The following ERP27 variants were observed in gnomAD, a reference collection of about 807,000 sequenced individuals.
ERP27 encodes the protein endoplasmic reticulum protein 27, also known as endoplasmic reticulum resident protein 27.
ERP27 carries 23 observed loss-of-function variants against 27.7 expected under a neutral mutation model. The ratio of observed to expected loss-of-function variants is 0.83; its 90% confidence interval spans 0.60 to 1.18. The LOEUF is 1.18. Among genes scored for constraint, ERP27 ranks in the 50% most tolerant of loss-of-function variants. The pLI, the probability that ERP27 is intolerant of heterozygous loss-of-function variation, is 0.00. For missense variants in ERP27, 363 were observed against 327.9 expected, an observed-to-expected ratio of 1.11 and a Z score of -0.83; for synonymous variants, 159 against 118.3, an observed-to-expected ratio of 1.34 and a Z score of -2.23.
At chr12:14,920,329 T>A (rs1370801498) in intron 4 of ERP27, among the ~76,000 whole-genome samples, 1 of 152,176 alleles carries the variant, frequency 6.6e-6, no homozygotes, top group Non-Finnish European at 1.5e-5. Flanking sequence ...AAAGCATGGT[T>A]TGCAGCTGCT....
chr12:14,934,442 C>G (rs1469636010), intron 3 of ERP27, among the ~76,000 whole-genome samples: 1 of 152,052 alleles, frequency 6.6e-6, no homozygotes, highest in African/African-American at 2.4e-5. Flanking sequence ...ATAGGGCATA[C>G]AGGAAGTATT....
At chr12:14,937,447 C>A (rs1225360655) in intron 2 of ERP27, among the ~76,000 whole-genome samples, 3 of 152,308 alleles carry the variant, frequency 2.0e-5, no homozygotes, top group Middle Eastern at 3.4e-3. Flanking sequence ...CATTTTCCAA[C>A]ATTTCAGACA....
At chr12:14,936,026 T>A (rs539353445) in intron 2 of ERP27, among the ~76,000 whole-genome samples, 13 of 152,246 alleles carry the variant, frequency 8.5e-5, no homozygotes, top group African/African-American at 2.9e-4. Context: ...CCGGCCAAGA[T>A]GTACTTTAGG....
intron 3 of ERP27, among the ~76,000 whole-genome samples, chr12:14,928,213 T>C (rs1231447055): frequency 6.6e-6 from 1 of 152,186 alleles, no homozygotes; most frequent in Non-Finnish European, 1.5e-5. Flanking sequence ...ACCACCCTTT[T>C]TTCCCCAAGG....
intron 3 of ERP27, among the ~76,000 whole-genome samples, chr12:14,932,941 G>A (rs1324625431): frequency 1.3e-5 from 2 of 152,216 alleles, no homozygotes; most frequent in African/African-American, 4.8e-5. Context: ...AGAGTATAGT[G>A]CTTATGAGGG....
intron 4 of ERP27, among the ~76,000 whole-genome samples, chr12:14,919,756 A>G (rs1052070562): frequency 3.3e-5 from 5 of 152,226 alleles, no homozygotes; most frequent in Non-Finnish European, 7.3e-5. Context: ...GAAGTTACTT[A>G]AATTTTCTGA....
At chr12:14,928,417 A>G (rs1036803583) in intron 3 of ERP27, among the ~76,000 whole-genome samples, 5 of 152,216 alleles carry the variant, frequency 3.3e-5, no homozygotes, top group African/African-American at 1.2e-4. Context: ...AACTAAAAGC[A>G]ATAAGAACTC....
chr12:14,936,146 GA>G (rs1240777186), intron 2 of ERP27, among the ~76,000 whole-genome samples: 1 of 149,662 alleles, frequency 6.7e-6, no homozygotes, highest in Non-Finnish European at 1.5e-5. Flanking sequence ...TGGATGAAAG[GA>G]AAAAATGCAA....
chr12:14,924,976 C>G (rs1267818271), intron 3 of ERP27, among the ~76,000 whole-genome samples: 1 of 152,190 alleles, frequency 6.6e-6, no homozygotes, highest in Non-Finnish European at 1.5e-5. Context: ...ATGGCAATGT[C>G]AGGAAGTTAC....
intron 3 of ERP27, among the ~76,000 whole-genome samples, chr12:14,928,693 A>G (rs747291992): frequency 1.9e-4 from 29 of 152,222 alleles, no homozygotes; most frequent in Non-Finnish European, 2.2e-4. Context: ...AATCAAAACC[A>G]CAGGGTAAAA....
chr12:14,917,586 A>T (rs1217547669), intron 4 of ERP27, among the ~76,000 whole-genome samples: 1 of 152,184 alleles, frequency 6.6e-6, no homozygotes, highest in Non-Finnish European at 1.5e-5. Context: ...AAAAGACATT[A>T]TGGTTTCTGC....
At chr12:14,921,968 G>T (rs1051910167) in intron 3 of ERP27, among the ~76,000 whole-genome samples, 13 of 152,076 alleles carry the variant, frequency 8.5e-5, no homozygotes, top group Non-Finnish European at 1.5e-5. Flanking sequence ...AGTCATTTAT[G>T]TTATTGCATG....
chr12:14,915,810 T>C (rs1863402196), intron 5 of ERP27, 124 bp from the exon 6 acceptor site: 10 of 871,310 alleles, frequency 1.1e-5, no homozygotes, highest in South Asian at 1.9e-5. Context: ...GAAATTGAAA[T>C]CTTGAGTTAA....
At chr12:14,930,556 G>A (rs974849174) in intron 3 of ERP27, among the ~76,000 whole-genome samples, 9 of 152,180 alleles carry the variant, frequency 5.9e-5, no homozygotes, top group African/African-American at 2.2e-4. Context: ...TGAAAAATTT[G>A]AGAGTTTATA....
At chr12:14,921,839 C>A (rs1312995505) in intron 3 of ERP27, among the ~76,000 whole-genome samples, 3 of 151,836 alleles carry the variant, frequency 2.0e-5, no homozygotes, top group Non-Finnish European at 4.4e-5. Flanking sequence ...CATTTTCATC[C>A]TTTCCTTTAT....
chr12:14,914,911 T>C, intron 6 of ERP27, 129 bp from the exon 7 acceptor site: 9 of 701,448 alleles, frequency 1.3e-5, no homozygotes, highest in Non-Finnish European at 2.1e-5. Flanking sequence ...TGCCCATTAA[T>C]GCTTTACACT....
chr12:14,925,993 T>TG (rs1168523048), intron 3 of ERP27, among the ~76,000 whole-genome samples: 1 of 151,630 alleles, frequency 6.6e-6, no homozygotes, highest in African/African-American at 2.4e-5. Flanking sequence ...CGCTTGAACC[T>TG]GGGAGGCAGA....
intron 4 of ERP27, 87 bp downstream of exon 4, chr12:14,920,845 T>G (rs1863490706): frequency 1.1e-6 from 1 of 951,144 alleles, no homozygotes; most frequent in Non-Finnish European, 1.7e-6. Context: ...GAATTGGAAC[T>G]CTGGGAGGAA....
intron 2 of ERP27, among the ~76,000 whole-genome samples, chr12:14,936,022 A>G (rs1360791025): frequency 6.6e-6 from 1 of 152,096 alleles, no homozygotes; most frequent in Non-Finnish European, 1.5e-5. Flanking sequence ...GTGCCCGGCC[A>G]AGATGTACTT....
Sources: gnomAD v4.1 joint callset for allele counts (sites outside exome capture counted in the v4.1 genomes callset) on GRCh38, gnomAD v4.1.1 for gene constraint, MANE v1.5 for transcripts, NCBI Gene and HGNC (gene_info 2026-07-23, HGNC 2026-07-21) for gene names.